Variants in ZNF385B observed in about 807,000 individuals in gnomAD.
The protein encoded by ZNF385B is zinc finger protein 385B, also known as zinc finger protein 533.
Under a neutral mutation model 39.2 loss-of-function variants are expected in ZNF385B, and 23 were observed. The ratio of observed to expected loss-of-function variants is 0.59; its 90% CI spans 0.42 to 0.83. The LOEUF (loss-of-function observed/expected upper bound fraction) is 0.83, where lower values mean the gene tolerates loss of function less well. ZNF385B is among the 40% of genes least tolerant of loss of function. ZNF385B has a pLI of 0.00. For synonymous variants in ZNF385B, 205 were observed against 222.6 expected, an observed-to-expected ratio of 0.92 and a Z score of 0.70; for missense variants, 552 against 598.9, an observed-to-expected ratio of 0.92 and a Z score of 0.82.
intron 3 of ZNF385B, chr2:179,562,460 C>T (rs1365574481): frequency 2.0e-6 from 2 of 985,296 alleles, no homozygotes; most frequent in Non-Finnish European, 2.4e-6. Flanking sequence ...CGAGATGTTA[C>T]ATTTAAAAGT....
chr2:179,765,503 T>C (rs1386759235), intron 3 of ZNF385B, among the ~76,000 whole-genome samples: 1 of 152,180 alleles, frequency 6.6e-6, no homozygotes, highest in East Asian at 1.9e-4. Context: ...TGAGGCATGT[T>C]TATTTCTGTC....
chr2:179,851,669 G>A (rs1684171922), intron 1 of ZNF385B, among the ~76,000 whole-genome samples: 1 of 152,170 alleles, frequency 6.6e-6, no homozygotes, highest in Non-Finnish European at 1.5e-5. Flanking sequence ...ATCAGAGTTA[G>A]AGCTATTCAT....
At chr2:179,840,876 A>G (rs2106614975) in intron 1 of ZNF385B, among the ~76,000 whole-genome samples, 1 of 152,368 alleles carries the variant, frequency 6.6e-6, no homozygotes, top group Non-Finnish European at 1.5e-5. Context: ...TTTCTTGTCA[A>G]ACACTTTGTG....
chr2:179,482,589 C>T (rs1342189980), intron 6 of ZNF385B, among the ~76,000 whole-genome samples: 2 of 152,202 alleles, frequency 1.3e-5, no homozygotes, highest in Non-Finnish European at 2.9e-5. Flanking sequence ...GAAATATAGA[C>T]TCTTCTTCAG....
At chr2:179,639,986 T>G (rs1269803829) in intron 3 of ZNF385B, among the ~76,000 whole-genome samples, 1 of 152,138 alleles carries the variant, frequency 6.6e-6, no homozygotes, top group African/African-American at 2.4e-5. Flanking sequence ...CTGCCAAAAA[T>G]GCTTAATCTT....
chr2:179,827,811 C>T (rs892463339), intron 1 of ZNF385B, among the ~76,000 whole-genome samples: 5 of 152,172 alleles, frequency 3.3e-5, no homozygotes, highest in African/African-American at 1.2e-4. Context: ...TCCCATGTAG[C>T]TAGCATCAAG....
intron 1 of ZNF385B, among the ~76,000 whole-genome samples, chr2:179,781,613 G>GA (rs1704669062): frequency 1.3e-5 from 2 of 151,990 alleles, no homozygotes; most frequent in African/African-American, 4.8e-5. Context: ...AACTATAAGA[G>GA]AAAAAATTGG....
rs1705434417 is a variant in ZNF385B, at chr2:179,792,919, A to G, written c.-154-22247T>C. On this transcript the variant is annotated intron_variant, in intron 1 of 9. Coordinates refer to ENST00000410066, the MANE Select transcript of ZNF385B (RefSeq NM_152520.6). ...CTGAACTGGTAAATTTGCTTAAAAT[A>G]TAGATACCTGCAGTTTTAAATTAAA... Among the ~76,000 whole-genome samples, 8 of 152,210 alleles carry G rather than the reference A, an allele frequency of 5.3e-5. No individual in the cohort carries two copies. In the South Asian group the frequency reaches 1.4e-3, roughly 28 times the overall value.
At chr2:179,528,092 A>C (rs1007360370) in intron 4 of ZNF385B, among the ~76,000 whole-genome samples, 2 of 152,186 alleles carry the variant, frequency 1.3e-5, no homozygotes, top group African/African-American at 4.8e-5. Context: ...CAAAACAAAA[A>C]AACACTCTTC....
At chr2:179,451,745 A>T (rs1045336724) in intron 6 of ZNF385B, among the ~76,000 whole-genome samples, 2 of 152,144 alleles carry the variant, frequency 1.3e-5, no homozygotes, top group Admixed American at 1.3e-4. Flanking sequence ...TATATATTTG[A>T]ATAGTGGCAT....
chr2:179,751,227 A>C (rs1702654187), intron 3 of ZNF385B, among the ~76,000 whole-genome samples: 2 of 151,046 alleles, frequency 1.3e-5, no homozygotes, highest in African/African-American at 4.9e-5. Flanking sequence ...AGTCTTTCAA[A>C]TGAGCATGAT....
chr2:179,715,265 T>TA (rs1253660615), intron 3 of ZNF385B, among the ~76,000 whole-genome samples: 4 of 152,148 alleles, frequency 2.6e-5, no homozygotes, highest in African/African-American at 9.7e-5. Context: ...CCCACCACCA[T>TA]AGGTGATGAC....
intron 5 of ZNF385B, among the ~76,000 whole-genome samples, chr2:179,510,400 T>C (rs2057582959): frequency 6.6e-6 from 1 of 152,114 alleles, no homozygotes; most frequent in Non-Finnish European, 1.5e-5. Context: ...GGTGAATGTT[T>C]ATATATGTGA....
At chr2:179,847,752 A>T (rs1402769184) in intron 1 of ZNF385B, among the ~76,000 whole-genome samples, 1 of 152,200 alleles carries the variant, frequency 6.6e-6, no homozygotes, top group Non-Finnish European at 1.5e-5. Context: ...AGAGTAAAGA[A>T]GCATGTGGTA....
At chr2:179,527,221 G>A (rs1006013089) in intron 4 of ZNF385B, among the ~76,000 whole-genome samples, 5 of 152,192 alleles carry the variant, frequency 3.3e-5, no homozygotes, top group African/African-American at 1.2e-4. Flanking sequence ...CTTCCTTAAT[G>A]GCAGTATATA....
chr2:179,513,460 A>G (rs2057840098), intron 5 of ZNF385B, among the ~76,000 whole-genome samples: 1 of 152,224 alleles, frequency 6.6e-6, no homozygotes, highest in South Asian at 2.1e-4. Flanking sequence ...ATGTGTGCAC[A>G]TATGTCCACA....
chr2:179,475,094 G>T (rs1396231229), intron 6 of ZNF385B, among the ~76,000 whole-genome samples: 1 of 152,080 alleles, frequency 6.6e-6, no homozygotes, highest in South Asian at 2.1e-4. Flanking sequence ...GCCTTATGCG[G>T]CTACTTAGAA....
chr2:179,610,540 T>A (rs1439941886), intron 3 of ZNF385B, among the ~76,000 whole-genome samples: 1 of 152,132 alleles, frequency 6.6e-6, no homozygotes, highest in Non-Finnish European at 1.5e-5. Context: ...CTAATCTGGG[T>A]CTTTTGTGAT....
intron 3 of ZNF385B, among the ~76,000 whole-genome samples, chr2:179,769,005 G>A (rs1703860491): frequency 6.6e-6 from 1 of 152,148 alleles, no homozygotes; most frequent in African/African-American, 2.4e-5. Flanking sequence ...GCACACTGCT[G>A]GCAACTCTCT....
Sources: gnomAD v4.1 joint callset for allele counts (sites outside exome capture counted in the v4.1 genomes callset) on GRCh38, gnomAD v4.1.1 for gene constraint, MANE v1.5 for transcripts, NCBI Gene and HGNC (gene_info 2026-07-23, HGNC 2026-07-21) for gene names.